EPS15: variants seen among roughly 807,000 people sequenced by gnomAD.
The protein encoded by EPS15 is epidermal growth factor receptor substrate 15.
EPS15 carries 72 observed loss-of-function variants against 113.8 expected under a neutral mutation model. The observed-to-expected ratio is 0.63, with a 90% CI of 0.52 to 0.77. The LOEUF (loss-of-function observed/expected upper bound fraction) is 0.77, where lower values mean the gene tolerates loss of function less well. EPS15 is among the 30% of genes least tolerant of loss of function. EPS15 has a pLI of 0.00. For missense variants in EPS15, 1,048 were observed against 1,045.8 expected (o/e 1.00, Z -0.03); for synonymous variants, 344 against 363.4 (o/e 0.95, Z 0.61).
intron 12 of EPS15, among the ~76,000 whole-genome samples, chr1:51,430,977 T>TACACACACACACACAC (rs67920039): frequency 8.2e-6 from 1 of 122,028 alleles, no homozygotes; most frequent in African/African-American, 3.2e-5. Flanking sequence ...ATTACTTACA[T>TACACACACACACACAC]ACACACACAC....
intron 7 of EPS15, chr1:51,463,174 C>G (rs1654605098): frequency 6.6e-6 from 1 of 152,038 alleles, no homozygotes; most frequent in African/African-American, 2.4e-5. Flanking sequence ...CCATGCCCAG[C>G]CAAGAAGTCA....
intron 21 of EPS15, among the ~76,000 whole-genome samples, chr1:51,374,744 T>C (rs1570117742): frequency 6.6e-6 from 1 of 152,166 alleles, no homozygotes; most frequent in East Asian, 1.9e-4. Context: ...ATATTTAACA[T>C]ACCTTTTTTG....
intron 21 of EPS15, among the ~76,000 whole-genome samples, chr1:51,385,126 G>C (rs1647032649): frequency 6.6e-6 from 1 of 152,126 alleles, no homozygotes; most frequent in South Asian, 2.1e-4. Context: ...CCAACGGACA[G>C]TACTAACAGA....
intron 1 of EPS15, 91 bp downstream of exon 1, chr1:51,519,108 T>C (rs1166220597): frequency 6.8e-6 from 6 of 885,030 alleles, no homozygotes; most frequent in African/African-American, 5.3e-5. Context: ...GCTGCCTGCT[T>C]GGCCCACAAG....
chr1:51,357,581 C>T (rs191606846), intron 24 of EPS15, among the ~76,000 whole-genome samples: 4 of 148,130 alleles, frequency 2.7e-5, no homozygotes, highest in Non-Finnish European at 5.9e-5. Context: ...TACTGAGACC[C>T]TCACACAACA....
At chr1:51,419,597 G>A (rs1406509969) in intron 13 of EPS15, among the ~76,000 whole-genome samples, 6 of 151,992 alleles carry the variant, frequency 3.9e-5, no homozygotes, top group Admixed American at 1.3e-4. Flanking sequence ...TTTCTCATTA[G>A]CATCACCATT....
chr1:51,515,682 T>C (rs1557544160), intron 1 of EPS15, among the ~76,000 whole-genome samples: 1 of 152,320 alleles, frequency 6.6e-6, no homozygotes, highest in Non-Finnish European at 1.5e-5. Flanking sequence ...AACCATGGCT[T>C]ATATCCTCAA....
At chr1:51,423,525 C>T in intron 12 of EPS15, 8 of 984,692 alleles carry the variant, frequency 8.1e-6, no homozygotes, top group Non-Finnish European at 9.6e-6. Flanking sequence ...CTAGCACCCT[C>T]CCCCCATCCC....
chr1:51,459,596 T>C (rs1324752472), intron 8 of EPS15, among the ~76,000 whole-genome samples: 4 of 152,156 alleles, frequency 2.6e-5, no homozygotes, highest in South Asian at 2.1e-4. Flanking sequence ...CCATGGAATA[T>C]ATGTAAAAGC....
At chr1:51,508,385 A>AAAGAAAGG (rs1557537547) in intron 1 of EPS15, among the ~76,000 whole-genome samples, 107 of 146,364 alleles carry the variant, frequency 7.3e-4, no homozygotes, top group African/African-American at 2.2e-3. Context: ...AGAAAGAAAG[A>AAAGAAAGG]GAAAATTTAA....
At chr1:51,377,878 G>C (rs577753177) in intron 21 of EPS15, among the ~76,000 whole-genome samples, 2 of 151,186 alleles carry the variant, frequency 1.3e-5, no homozygotes. Flanking sequence ...TTTGTTGAAG[G>C]CTCAAATAAT....
At position 51,453,714 on chromosome 1, in the gene EPS15, G is replaced by T. The variant is rs1266628237; in HGVS notation, c.562-5579C>A. On this transcript the variant is annotated intron_variant, in intron 8 of 24. Coordinates refer to ENST00000371733, the MANE Select transcript of EPS15 (RefSeq NM_001981.3). ...CTCCTGAGACAGGAGGGAAAGAGGG[G>T]ATTTAATTTTACTGTTGCAATCAGT... 2.6e-5 allele frequency among the ~76,000 whole-genome samples: 4 copies of T among 151,938 alleles called. No homozygotes were observed. In the East Asian group the frequency reaches 7.8e-4, roughly 29 times the overall value.
chr1:51,448,063 G>T lies in EPS15; in HGVS notation c.634C>A (p.Pro212Thr). The change falls in exon 9 of 25, where the codon CCA becomes ACA. Residue 212 changes from proline to threonine, a missense_variant. By Grantham distance (38) the Pro-to-Thr change is conservative (BLOSUM62 -1). Coordinates refer to ENST00000371733, the MANE Select transcript of EPS15 (RefSeq NM_001981.3). ...ATACTGACCGTTTTTCTCTTAGATG[G>T]TGGCACCAAGGCTGGAGGCAAGGAC... ...PMSLPPALVP[P>T]SKRKTWVVSP... 6.2e-7 allele frequency: 1 copy of T among 1,613,662 alleles called. No individual in the cohort carries two copies. The highest frequency in any genetic ancestry group is 8.5e-7 in the Non-Finnish European group (1 of 1,179,670).
intron 1 of EPS15, among the ~76,000 whole-genome samples, chr1:51,508,356 GAAA>G (rs1644557100): frequency 7.1e-6 from 1 of 141,198 alleles, no homozygotes; most frequent in African/African-American, 2.7e-5. Context: ...AAGAAAGAAA[GAAA>G]GAAAGAAAGA....
At chr1:51,495,878 TACAA>T (rs1282808755) in intron 1 of EPS15, among the ~76,000 whole-genome samples, 1 of 152,150 alleles carries the variant, frequency 6.6e-6, no homozygotes, top group African/African-American at 2.4e-5. Context: ...CCAATATTTA[TACAA>T]ACAAATGAAG....
chr1:51,386,119 C>T (rs530142002), intron 21 of EPS15, among the ~76,000 whole-genome samples: 6 of 152,306 alleles, frequency 3.9e-5, no homozygotes, highest in Middle Eastern at 3.4e-3. Context: ...ACTCCCATTA[C>T]ATGTTCTCTG....
At chr1:51,498,592 G>A (rs550585045) in intron 1 of EPS15, among the ~76,000 whole-genome samples, 99 of 152,268 alleles carry the variant, frequency 6.5e-4, no homozygotes, top group Non-Finnish European at 1.3e-3. Flanking sequence ...GGTAAGTTAG[G>A]CATGTTGAAT....
intron 12 of EPS15, among the ~76,000 whole-genome samples, chr1:51,434,021 G>A (rs998036206): frequency 3.3e-5 from 5 of 152,218 alleles, no homozygotes; most frequent in Admixed American, 6.5e-5. Flanking sequence ...TGGGTCCACA[G>A]ATAGTTTTTA....
intron 1 of EPS15, among the ~76,000 whole-genome samples, chr1:51,516,457 GTT>G (rs200495273): frequency 0.032 from 4,815 of 152,226 alleles, 122 homozygotes; most frequent in Non-Finnish European, 0.05. Flanking sequence ...AACCCATACA[GTT>G]AGCTGTGGCC....
Sources: gnomAD v4.1 joint callset for allele counts (sites outside exome capture counted in the v4.1 genomes callset) on GRCh38, gnomAD v4.1.1 for gene constraint, MANE v1.5 for transcripts, NCBI Gene and HGNC (gene_info 2026-07-23, HGNC 2026-07-21) for gene names.